MGAT4C: variants seen among roughly 807,000 people sequenced by gnomAD.
The protein encoded by MGAT4C is MGAT4 family member C.
Under a neutral mutation model 40.1 loss-of-function variants are expected in MGAT4C, and 19 were observed. The observed-to-expected ratio is 0.47, with a 90% CI of 0.33 to 0.70. The LOEUF (loss-of-function observed/expected upper bound fraction) is 0.70. Among genes scored for constraint, MGAT4C ranks in the 30% least tolerant of loss-of-function variants. The probability of loss-of-function intolerance (pLI) is 0.02; values close to 1 mark genes in which losing one functional copy is unlikely to be tolerated. For missense variants in MGAT4C, 491 were observed against 563.2 expected, an observed-to-expected ratio of 0.87 and a Z score of 1.30; for synonymous variants, 181 against 187.1, an observed-to-expected ratio of 0.97 and a Z score of 0.27.
At chr12:86,130,836 T>A (rs1390767994) in intron 1 of MGAT4C, among the ~76,000 whole-genome samples, 2 of 152,060 alleles carry the variant, frequency 1.3e-5, no homozygotes, top group African/African-American at 2.4e-5. Flanking sequence ...AACCATATTG[T>A]ATTTAGTTTG....
chr12:86,388,212 G>A (rs964160370), intron 3 of MGAT4C, among the ~76,000 whole-genome samples: 6 of 151,952 alleles, frequency 3.9e-5, no homozygotes, highest in East Asian at 1.9e-4. Flanking sequence ...GAAGCTTTTC[G>A]CAGTGTTATT....
At chr12:86,233,012 C>T (rs1053191486) in intron 1 of MGAT4C, among the ~76,000 whole-genome samples, 3 of 152,140 alleles carry the variant, frequency 2.0e-5, no homozygotes, top group African/African-American at 7.2e-5. Flanking sequence ...GAATCAACAG[C>T]TGTAATTTGC....
intron 4 of MGAT4C, among the ~76,000 whole-genome samples, chr12:86,322,238 G>T (rs7980161): frequency 0.052 from 5,681 of 109,090 alleles, 331 homozygotes; most frequent in African/African-American, 0.17. Context: ...TGGGGGGAGG[G>T]GGGAGGGAGA....
intron 1 of MGAT4C, among the ~76,000 whole-genome samples, chr12:86,793,187 A>C: frequency 6.6e-6 from 1 of 152,118 alleles, no homozygotes; most frequent in East Asian, 1.9e-4. Flanking sequence ...ATTTTAAGAT[A>C]ATTATGCAGG....
At chr12:86,705,591 A>G (rs1423997301) in intron 2 of MGAT4C, among the ~76,000 whole-genome samples, 1 of 152,146 alleles carries the variant, frequency 6.6e-6, no homozygotes, top group African/African-American at 2.4e-5. Context: ...TGTATAAGCA[A>G]ATGTGCCTAA....
intron 3 of MGAT4C, among the ~76,000 whole-genome samples, chr12:86,434,722 T>C (rs2136272517): frequency 6.6e-6 from 1 of 152,046 alleles, no homozygotes; most frequent in East Asian, 1.9e-4. Flanking sequence ...CAAAAATATC[T>C]GCAAGTGAAT....
At chr12:86,439,795 T>C (rs983194182) in intron 2 of MGAT4C, among the ~76,000 whole-genome samples, 2 of 151,774 alleles carry the variant, frequency 1.3e-5, no homozygotes, top group Non-Finnish European at 2.9e-5. Context: ...ATAGAGACAT[T>C]ACAACTGACA....
At chr12:86,294,624 TAATGTGA>T (rs1467998689) in intron 4 of MGAT4C, among the ~76,000 whole-genome samples, 1 of 152,176 alleles carries the variant, frequency 6.6e-6, no homozygotes, top group African/African-American at 2.4e-5. Context: ...GTAAAACAAG[TAATGTGA>T]AATATTCAGT....
At chr12:86,402,221 G>T (rs931142005) in intron 3 of MGAT4C, among the ~76,000 whole-genome samples, 2 of 151,942 alleles carry the variant, frequency 1.3e-5, no homozygotes, top group Admixed American at 6.6e-5. Context: ...GAGGCAGGCG[G>T]ATCCCTTGAG....
intron 2 of MGAT4C, among the ~76,000 whole-genome samples, chr12:86,526,992 C>T (rs1314345787): frequency 6.6e-6 from 1 of 152,160 alleles, no homozygotes; most frequent in Non-Finnish European, 1.5e-5. Flanking sequence ...TAGCCCTGTG[C>T]AGGGTTCCCA....
At chr12:86,193,035 T>C (rs900161464) in intron 1 of MGAT4C, among the ~76,000 whole-genome samples, 1 of 152,088 alleles carries the variant, frequency 6.6e-6, no homozygotes, top group Non-Finnish European at 1.5e-5. Context: ...TTCAGTTGTA[T>C]CTCCTGTAAG....
At chr12:86,709,206 T>C (rs1950514983) in intron 2 of MGAT4C, among the ~76,000 whole-genome samples, 1 of 152,128 alleles carries the variant, frequency 6.6e-6, no homozygotes, top group Non-Finnish European at 1.5e-5. Context: ...AAGGGAAGTT[T>C]CCCTGCACAA....
chr12:85,988,636 G>A (rs1170227388), intron 3 of MGAT4C, among the ~76,000 whole-genome samples: 1 of 151,820 alleles, frequency 6.6e-6, no homozygotes, highest in Non-Finnish European at 1.5e-5. Flanking sequence ...AAAGTGAATA[G>A]CAATAATGTC....
At chr12:86,084,819 G>A (rs1871443618) in intron 1 of MGAT4C, among the ~76,000 whole-genome samples, 1 of 151,944 alleles carries the variant, frequency 6.6e-6, no homozygotes, top group South Asian at 2.1e-4. Context: ...ATTTGGGGTG[G>A]CTGGATTTTG....
At chr12:86,556,998 A>G (rs1459346181) in intron 2 of MGAT4C, among the ~76,000 whole-genome samples, 3 of 152,212 alleles carry the variant, frequency 2.0e-5, no homozygotes, top group African/African-American at 7.2e-5. Context: ...TCATGAAAAT[A>G]TAAGAAGAGT....
At chr12:86,173,517 G>A (rs1242081558) in intron 1 of MGAT4C, among the ~76,000 whole-genome samples, 1 of 151,820 alleles carries the variant, frequency 6.6e-6, no homozygotes, top group East Asian at 1.9e-4. Context: ...GCAGGAATTG[G>A]TCGCAATGAG....
At chr12:86,689,319 A>G (rs1032262508) in intron 2 of MGAT4C, among the ~76,000 whole-genome samples, 1 of 152,068 alleles carries the variant, frequency 6.6e-6, no homozygotes, top group African/African-American at 2.4e-5. Context: ...TTTTGTTATT[A>G]CCCACCTTCT....
intron 1 of MGAT4C, among the ~76,000 whole-genome samples, chr12:86,770,776 G>T (rs1951619479): frequency 6.6e-6 from 1 of 151,828 alleles, no homozygotes; most frequent in Admixed American, 6.6e-5. Context: ...TGTCAAATTA[G>T]AAAAAGGGAA....
At chr12:86,536,420 A>G (rs983879852) in intron 2 of MGAT4C, among the ~76,000 whole-genome samples, 4 of 152,178 alleles carry the variant, frequency 2.6e-5, no homozygotes, top group African/African-American at 9.6e-5. Flanking sequence ...AATTTTGAAA[A>G]AAGGAAATAA....
Sources: allele counts gnomAD v4.1 joint callset (sites outside exome capture counted in the v4.1 genomes callset), GRCh38; gene constraint gnomAD v4.1.1; transcripts MANE v1.5; gene names NCBI Gene and HGNC (gene_info 2026-07-23, HGNC 2026-07-21).